NETO2: variants seen among roughly 807,000 people sequenced by gnomAD.
NETO2 encodes neuropilin and tolloid like 2.
In NETO2, 28 loss-of-function variants were observed where a neutral mutation model predicts 62.5. The ratio of observed to expected loss-of-function variants is 0.45; its 90% CI spans 0.33 to 0.61. NETO2 has a LOEUF of 0.61. Among genes scored for constraint, NETO2 ranks in the 20% least tolerant of loss-of-function variants. The probability of loss-of-function intolerance (pLI) is 0.02; values close to 1 mark genes in which losing one functional copy is unlikely to be tolerated. For synonymous variants in NETO2, 214 were observed against 219.1 expected (o/e 0.98, Z 0.21); for missense variants, 548 against 643.2 (o/e 0.85, Z 1.60).
intron 6 of NETO2, among the ~76,000 whole-genome samples, chr16:47,110,814 C>T (rs1963782066): frequency 6.6e-6 from 1 of 151,756 alleles, no homozygotes; most frequent in East Asian, 1.9e-4. Flanking sequence ...TCCCCCCCCA[C>T]CCCACCAAAT....
In NETO2 at chr16:47,122,693, A is replaced by G; in HGVS notation, c.618T>C (p.Asp206=). The change falls in exon 6 of 9, where the codon GAT becomes GAC. Residue 206 remains aspartate, a synonymous_variant. Coordinates refer to ENST00000562435, the MANE Select transcript of NETO2 (RefSeq NM_018092.5). ...GAGTGGCTTTAATGGTCCAGATGCA[A>G]TCAACGGCTTGGCCTGGTTTTGTTT... is the stretch of plus-strand genomic sequence containing the variant. ...EEKTKPGQAV[D]CIWTIKATPK... The G allele has an allele frequency of 1.2e-6, 2 of 1,614,166 alleles. No individual in the cohort carries two copies. Among genetic ancestry groups the G allele is most frequent in the Non-Finnish European group, 1.7e-6 (2 of 1,180,016 alleles).
chr16:47,104,028 G>C (rs1048451696), intron 7 of NETO2, among the ~76,000 whole-genome samples: 5 of 152,030 alleles, frequency 3.3e-5, no homozygotes, highest in African/African-American at 1.2e-4. Flanking sequence ...AGAGCAATTA[G>C]GCAAGAAAAG....
Position 47,131,955 on chromosome 16 carries a change from T to C in NETO2, c.91+14A>G, listed in dbSNP as rs374162349. The C allele has an allele frequency of 2.8e-5, 45 of 1,603,328 alleles. No individual in the cohort carries two copies. The highest frequency in any genetic ancestry group is 3.4e-5 in the Non-Finnish European group (40 of 1,170,664). ...TCTTAAACATGCAGTAAGTCACCAA[T>C]GTAAGTACTTTACCTTGGGTTTTTT... On this transcript the variant is annotated intron_variant, in intron 2 of 8. Transcript: ENST00000562435.
chr16:47,131,875 G>T, intron 2 of NETO2, 94 bp downstream of exon 2: 1 of 1,000,656 alleles, frequency 1.0e-6, no homozygotes, highest in Non-Finnish European at 1.6e-6. Context: ...ACCCCAAAGG[G>T]ATTATGAAAA....
In NETO2 at chr16:47,122,657, C is replaced by T. The variant is rs775548110; in HGVS notation, c.654G>A (p.Lys218=). The T allele has an allele frequency of 4.3e-6, 7 of 1,613,450 alleles. No homozygotes were observed. The Admixed American group carries it at 1.0e-4, about 23-fold the overall frequency. ...IWTIKATPKA[K]IYLRFLDYQM... is the part of the protein sequence containing the mutation. The stretch of plus-strand genomic sequence containing the variant: ...GAAGCGACTCAATACATAATAATAC[C>T]TTAGCTTTTGGAGTGGCTTTAATGG... The change falls in exon 6 of 9, where the codon AAG becomes AAA. Residue 218 remains lysine, a splice_region_variant and synonymous_variant. Coordinates refer to ENST00000562435, the MANE Select transcript of NETO2 (RefSeq NM_018092.5).
chr16:47,132,173 A>G, intron 1 of NETO2, 148 bp from the exon 2 acceptor site: 2 of 635,818 alleles, frequency 3.1e-6, no homozygotes, highest in Non-Finnish European at 5.4e-6. Flanking sequence ...TAAGCATTAA[A>G]TGTTATGTTC....
At chr16:47,099,498 A>T (rs536728526) in intron 7 of NETO2, among the ~76,000 whole-genome samples, 1 of 152,218 alleles carries the variant, frequency 6.6e-6, no homozygotes, top group Non-Finnish European at 1.5e-5. Context: ...AATGCCCCCA[A>T]TTAAAAGACG....
At chr16:47,132,166 G>T in intron 1 of NETO2, 141 bp from the exon 2 acceptor site, 1 of 649,332 alleles carries the variant, frequency 1.5e-6, no homozygotes, top group Non-Finnish European at 2.6e-6. Flanking sequence ...AGATCTTTAA[G>T]CATTAAATGT....
At chr16:47,104,865 G>A (rs1049159373) in intron 7 of NETO2, among the ~76,000 whole-genome samples, 3 of 152,134 alleles carry the variant, frequency 2.0e-5, no homozygotes, top group South Asian at 2.1e-4. Context: ...GATTACAGGC[G>A]TGTGCCACCA....
chr16:47,105,303 T>C (rs1190318686), intron 7 of NETO2, among the ~76,000 whole-genome samples: 1 of 152,138 alleles, frequency 6.6e-6, no homozygotes, highest in Non-Finnish European at 1.5e-5. Context: ...AAGAATGAAG[T>C]TGGAGCCTTA....
In NETO2 at chr16:47,079,260, GAC is replaced by G. The variant is rs1963021690; in HGVS notation, c.*3959_*3960del. ...CACGCCACTGCACTCTAGCCTGGGT[GAC>G]AGAGCGAGACTCTGTCTCAAAAAAC... On this transcript the variant is annotated 3_prime_UTR_variant, in exon 9 of 9. Coordinates refer to ENST00000562435, the MANE Select transcript of NETO2 (RefSeq NM_018092.5). The G allele has an allele frequency of 6.7e-6, 1 of 150,262 alleles. No homozygotes were observed. The highest frequency in any genetic ancestry group is 2.5e-5 in the African/African-American group (1 of 40,586). The allele number at this position is 150,262 out of a possible 1,614,324, so 9.3% of individuals were successfully genotyped here. A position where few individuals can be genotyped will look rare whatever the true frequency, so the allele number is the denominator to read the frequency against.
chr16:47,141,476 AAAC>A (rs1964460560), intron 1 of NETO2, among the ~76,000 whole-genome samples: 1 of 151,980 alleles, frequency 6.6e-6, no homozygotes. Flanking sequence ...AAAAAAACAA[AAAC>A]AAAATCAAGT....
chr16:47,083,338 C>A lies in NETO2; in HGVS notation c.1461G>T (p.Gln487His). The change falls in exon 9 of 9, where the codon CAG becomes CAT. Residue 487 changes from glutamine to histidine, a missense_variant. Coordinates refer to ENST00000562435, the MANE Select transcript of NETO2 (RefSeq NM_018092.5). ...GGGCCTGCTCAGGGCACTCATGTCC[C>A]TGTTTGAAAGTGTAACTACTTTTCT... ...TFKKSSYTFK[Q>H]GHECPEQALE... The A allele has an allele frequency of 6.2e-7, 1 of 1,614,210 alleles. No individual in the cohort carries two copies. Among genetic ancestry groups the A allele is most frequent in the Non-Finnish European group, 8.5e-7 (1 of 1,180,036 alleles).
intron 4 of NETO2, among the ~76,000 whole-genome samples, chr16:47,123,437 T>C (rs1174233664): frequency 2.0e-5 from 3 of 151,910 alleles, no homozygotes; most frequent in Non-Finnish European, 4.4e-5. Flanking sequence ...GCCCAGGAGG[T>C]TGAGGCTGCA....
intron 1 of NETO2, among the ~76,000 whole-genome samples, chr16:47,138,245 C>T (rs1047133498): frequency 6.6e-6 from 1 of 152,030 alleles, no homozygotes; most frequent in South Asian, 2.1e-4. Context: ...AATAAAAATA[C>T]AAAAATTAGC....
intron 1 of NETO2, among the ~76,000 whole-genome samples, chr16:47,133,599 CATAACATAAA>C (rs1299714081): frequency 6.5e-5 from 8 of 122,524 alleles, no homozygotes; most frequent in Non-Finnish European, 1.2e-4. Flanking sequence ...CATAAAATGA[CATAACATAAA>C]ATAAAATAAA....
intron 1 of NETO2, among the ~76,000 whole-genome samples, chr16:47,135,093 A>C (rs1964340660): frequency 1.3e-5 from 2 of 152,250 alleles, no homozygotes; most frequent in African/African-American, 4.8e-5. Flanking sequence ...GTTTTTGGTA[A>C]TACAGTTGTG....
chr16:47,138,345 C>T (rs771369728), intron 1 of NETO2, among the ~76,000 whole-genome samples: 21 of 152,134 alleles, frequency 1.4e-4, no homozygotes, highest in Non-Finnish European at 2.8e-4. Context: ...GGTTGTGGTG[C>T]GCCAAGATCG....
In NETO2 at chr16:47,122,928, G is replaced by T. The variant is rs200346455; in HGVS notation, c.482-16C>A. On this transcript the variant is annotated splice_polypyrimidine_tract_variant and intron_variant, in intron 4 of 8. Coordinates refer to ENST00000562435, the MANE Select transcript of NETO2 (RefSeq NM_018092.5). ...AAGTCTGGATCTGTAACAGAAAAAA[G>T]AAGAAAGTCATTGGTACTGAGATAG... The T allele has an allele frequency of 1.2e-6, 2 of 1,611,574 alleles. No individual in the cohort carries two copies. Among genetic ancestry groups the T allele is most frequent in the East Asian group, 4.5e-5 (2 of 44,874 alleles).
Sources: allele counts gnomAD v4.1 joint callset (sites outside exome capture counted in the v4.1 genomes callset), GRCh38; gene constraint gnomAD v4.1.1; transcripts MANE v1.5; gene names NCBI Gene and HGNC (gene_info 2026-07-23, HGNC 2026-07-21).